Variants in RIN2 observed in about 807,000 individuals in gnomAD.
The protein encoded by RIN2 is Ras and Rab interactor 2.
A neutral mutation model predicts 78.0 loss-of-function variants in RIN2; 36 were observed. That is an observed-to-expected ratio of 0.46 (90% CI 0.35 to 0.61). The LOEUF is 0.61. Ranked by LOEUF, RIN2 falls within the 20% of genes least tolerant of loss-of-function variation. The pLI is 0.00. For synonymous variants in RIN2, 466 were observed against 466.8 expected, an observed-to-expected ratio of 1.00 and a Z score of 0.02; for missense variants, 1,087 against 1,159.7, an observed-to-expected ratio of 0.94 and a Z score of 0.91.
rs370252541 is a variant in RIN2 at position 19,956,804 on chromosome 20, G to T, written c.348G>T (p.Pro116=). The T allele has an allele frequency of 1.9e-6, 3 of 1,574,288 alleles. No homozygotes were observed. Among genetic ancestry groups the T allele is most frequent in the African/African-American group, 1.3e-5 (1 of 74,286 alleles). ...CAGAGGTCCTGCAGGCCCAGCCTCC[G>T]GGGGTAAGACTCAGAACCTCGGGAA... ...EAAEVLQAQP[P]GIFLVHKSTK... The change falls in exon 5 of 13, where the codon CCG becomes CCT. Residue 116 remains proline (P), a synonymous_variant. Coordinates refer to ENST00000255006, the MANE Select transcript of RIN2 (RefSeq NM_018993.4).
chr20:19,780,466 C>T (rs62200331), intron 1 of RIN2, among the ~76,000 whole-genome samples: 12,566 of 151,834 alleles, frequency 0.083, 967 homozygotes, highest in African/African-American at 0.2. Context: ...AGATGTCACA[C>T]GCCCTGCTAC....
At chr20:19,827,675 A>G (rs16981202) in intron 2 of RIN2, among the ~76,000 whole-genome samples, 3,678 of 152,254 alleles carry the variant, frequency 0.024, 54 homozygotes, top group Non-Finnish European at 0.036. Flanking sequence ...TATGACCGCC[A>G]AATTGACTTC....
chr20:19,767,570 C>A (rs2033939526), intron 1 of RIN2, among the ~76,000 whole-genome samples: 1 of 152,038 alleles, frequency 6.6e-6, no homozygotes, highest in African/African-American at 2.4e-5. Flanking sequence ...GCTTCTGAGG[C>A]CCTCATTTTG....
intron 11 of RIN2, among the ~76,000 whole-genome samples, chr20:19,996,306 G>A (rs112325732): frequency 2.6e-5 from 4 of 151,638 alleles, no homozygotes; most frequent in Non-Finnish European, 5.9e-5. Flanking sequence ...AAAGCAAGAC[G>A]CCGTCTCAAA....
At chr20:19,788,184 C>T (rs2034747197) in intron 1 of RIN2, among the ~76,000 whole-genome samples, 2 of 152,142 alleles carry the variant, frequency 1.3e-5, no homozygotes, top group African/African-American at 2.4e-5. Flanking sequence ...TGCCCTATCA[C>T]TCTTATTCAC....
intron 12 of RIN2, among the ~76,000 whole-genome samples, chr20:19,999,770 C>A (rs554195285): frequency 8.5e-5 from 13 of 152,296 alleles, no homozygotes; most frequent in African/African-American, 3.1e-4. Context: ...GCACCTGAGC[C>A]TGCAAACGTC....
chr20:19,965,085 C>T, intron 7 of RIN2, 61 bp downstream of exon 7: 2 of 1,383,340 alleles, frequency 1.4e-6, no homozygotes, highest in Non-Finnish European at 2.0e-6. Context: ...ATATAATTAA[C>T]CTGAGGTTTC....
intron 1 of RIN2, among the ~76,000 whole-genome samples, chr20:19,759,157 C>T (rs1193565716): frequency 6.6e-6 from 1 of 152,356 alleles, no homozygotes; most frequent in African/African-American, 2.4e-5. Flanking sequence ...AGAAGTTCAG[C>T]TTGAAAGCCT....
intron 3 of RIN2, among the ~76,000 whole-genome samples, chr20:19,899,298 C>T (rs958557595): frequency 9.9e-5 from 15 of 152,154 alleles, no homozygotes. Context: ...CTTGGTGTTG[C>T]TCTAATCCCT....
intron 2 of RIN2, among the ~76,000 whole-genome samples, chr20:19,835,014 AAG>A (rs1035859525): frequency 1.1e-4 from 17 of 151,860 alleles, no homozygotes; most frequent in Non-Finnish European, 2.2e-4. Context: ...GAGAAAGAAA[AAG>A]AGAGAGAGAA....
chr20:19,982,825 G>T lies in RIN2; in HGVS notation c.1762+7038G>T, dbSNP rs188688624. 2.6e-5 allele frequency among the ~76,000 whole-genome samples: 4 copies of T among 152,308 alleles called. No homozygotes were observed. The East Asian group carries it at 7.7e-4, about 29-fold the overall frequency. On this transcript the variant is annotated intron_variant, in intron 9 of 12. Coordinates refer to ENST00000255006, the MANE Select transcript of RIN2 (RefSeq NM_018993.4). ...ACCTCCAGGAGCAGCCTCAACCAGG[G>T]ACTGAAGGGAGCATGTGTATCCATA...
rs1248180774 is a variant in RIN2, at chr20:19,988,903, A to G, written c.1763-1103A>G. Among the ~76,000 whole-genome samples the G allele has an allele frequency of 3.6e-3, 490 of 137,542 alleles. 3 individuals carry two copies. Among genetic ancestry groups the G allele is most frequent in the African/African-American group, 0.015 (465 of 30,342 alleles). The allele number at this position is 137,542 out of a possible 152,430, so 90.2% of individuals were successfully genotyped here. A position where few individuals can be genotyped will look rare whatever the true frequency, so the allele number is the denominator to read the frequency against. On this transcript the variant is annotated intron_variant, in intron 9 of 12. Coordinates refer to ENST00000255006, the MANE Select transcript of RIN2 (RefSeq NM_018993.4). ...GCCTCATTCTTCTTTCTCTCTCTTC[A>G]CACACACACACACACACGCGTGCAC... is the stretch of plus-strand genomic sequence containing the variant.
intron 9 of RIN2, among the ~76,000 whole-genome samples, chr20:19,981,112 T>C (rs1193862918): frequency 6.6e-6 from 1 of 152,214 alleles, no homozygotes; most frequent in East Asian, 1.9e-4. Context: ...GGAGGCTCCA[T>C]TTATTGCCCT....
At chr20:19,827,714 TC>T (rs1489789615) in intron 2 of RIN2, among the ~76,000 whole-genome samples, 1 of 152,138 alleles carries the variant, frequency 6.6e-6, no homozygotes, top group East Asian at 1.9e-4. Context: ...TTAATGCTGG[TC>T]TCCTCTTCCT....
chr20:19,805,746 T>A (rs565218723), intron 2 of RIN2, among the ~76,000 whole-genome samples: 1 of 152,004 alleles, frequency 6.6e-6, no homozygotes, highest in Non-Finnish European at 1.5e-5. Flanking sequence ...TACTTTAAGT[T>A]CTGGGGTACA....
At chr20:19,855,092 G>C (rs965216088) in intron 2 of RIN2, among the ~76,000 whole-genome samples, 1 of 152,142 alleles carries the variant, frequency 6.6e-6, no homozygotes, top group African/African-American at 2.4e-5. Flanking sequence ...TGGCATGAAG[G>C]GCTGTTGAAT....
chr20:19,888,349 TCA>T (rs2038288882), intron 2 of RIN2, among the ~76,000 whole-genome samples: 1 of 152,230 alleles, frequency 6.6e-6, no homozygotes, highest in South Asian at 2.1e-4. Flanking sequence ...AGATCCTTGC[TCA>T]CTCACTGATA....
intron 1 of RIN2, among the ~76,000 whole-genome samples, chr20:19,766,836 C>T (rs1375623522): frequency 6.6e-6 from 1 of 151,220 alleles, no homozygotes; most frequent in East Asian, 1.9e-4. Flanking sequence ...TGCTTGAACC[C>T]GGGAGGCGGA....
At chr20:19,869,107 G>T (rs1044642307) in intron 2 of RIN2, among the ~76,000 whole-genome samples, 104 of 140,556 alleles carry the variant, frequency 7.4e-4, no homozygotes, top group Non-Finnish European at 1.4e-3. Context: ...AAAAAAAAGT[G>T]TTCACCAGGT....
Sources: gnomAD v4.1 joint callset for allele counts (sites outside exome capture counted in the v4.1 genomes callset) on GRCh38, gnomAD v4.1.1 for gene constraint, MANE v1.5 for transcripts, NCBI Gene and HGNC (gene_info 2026-07-23, HGNC 2026-07-21) for gene names.